The following PCED1B variants were observed in gnomAD, a reference collection of about 807,000 sequenced individuals.
The protein encoded by PCED1B is PC-esterase domain-containing protein 1B.
For missense variants in PCED1B, 573 were observed against 573.9 expected (o/e 1.00, Z 0.02); for synonymous variants, 251 against 246.1 (o/e 1.02, Z -0.19).
At chr12:47,234,434 C>T (rs1428160152) in intron 3 of PCED1B, among the ~76,000 whole-genome samples, 3 of 152,152 alleles carry the variant, frequency 2.0e-5, no homozygotes, top group Non-Finnish European at 4.4e-5. Flanking sequence ...CAACCATAAT[C>T]CTATTCTATG....
At chr12:47,163,164 T>C (rs1465573390) in intron 2 of PCED1B, among the ~76,000 whole-genome samples, 2 of 152,178 alleles carry the variant, frequency 1.3e-5, no homozygotes, top group Non-Finnish European at 2.9e-5. Context: ...TATGTAAGTA[T>C]TTAATTCTTT....
At position 47,201,595 on chromosome 12, in the gene PCED1B, A is replaced by AT. The variant is rs546748153; in HGVS notation, c.-525-14618dup. Reference sequence around the variant, plus strand: ...TTGTTATTCCTTAACAAAGGAAGAAATTTTTTTTTCTTTTTTTTTTTAAGA... The same window carrying AT: ...TTGTTATTCCTTAACAAAGGAAGAAATTTTTTTTTTCTTTTTTTTTTTAAGA... On this transcript the variant is annotated intron_variant, in intron 2 of 3. Coordinates refer to ENST00000546455, the MANE Select transcript of PCED1B (RefSeq NM_138371.3). 5.5e-4 allele frequency among the ~76,000 whole-genome samples: 82 copies of AT among 148,256 alleles called. 1 individual carries two copies. Among genetic ancestry groups the AT allele is most frequent in the Non-Finnish European group, 9.9e-4 (67 of 67,708 alleles).
chr12:47,219,121 A>G (rs551009680), intron 3 of PCED1B, among the ~76,000 whole-genome samples: 95 of 152,332 alleles, frequency 6.2e-4, no homozygotes, highest in African/African-American at 2.1e-3. Context: ...AGCCTGGGCA[A>G]CAGAGTGAGA....
At chr12:47,111,869 T>C (rs933929720) in intron 2 of PCED1B, among the ~76,000 whole-genome samples, 5 of 152,194 alleles carry the variant, frequency 3.3e-5, no homozygotes, top group Non-Finnish European at 7.3e-5. Context: ...AGGGAGCCGA[T>C]GTCATTTTGT....
chr12:47,199,283 GGAA>G (rs1237572058), intron 2 of PCED1B, among the ~76,000 whole-genome samples: 9 of 152,288 alleles, frequency 5.9e-5, no homozygotes, highest in African/African-American at 2.2e-4. Context: ...CTCATGGATA[GGAA>G]GACTCAAATT....
In PCED1B at chr12:47,215,362, T is replaced by A. The variant is rs370001749; in HGVS notation, c.-525-860T>A. Among the ~76,000 whole-genome samples the A allele has an allele frequency of 1.3e-4, 19 of 151,744 alleles. No individual in the cohort carries two copies. In the East Asian group the frequency reaches 3.3e-3, roughly 27 times the overall value. On this transcript the variant is annotated intron_variant, in intron 2 of 3. Transcript: ENST00000546455. ...TCCGCCTCCTGGGTTCAAGCGATTC[T>A]CCTGCCTCAGCCCCCCGAGTAGCTG...
intron 2 of PCED1B, among the ~76,000 whole-genome samples, chr12:47,134,577 A>G (rs1249290518): frequency 6.6e-6 from 1 of 152,214 alleles, no homozygotes; most frequent in South Asian, 2.1e-4. Flanking sequence ...TTGCTATTTA[A>G]CAAAGTCTTA....
chr12:47,158,596 G>A (rs1188500461), intron 2 of PCED1B, among the ~76,000 whole-genome samples: 1 of 152,008 alleles, frequency 6.6e-6, no homozygotes, highest in East Asian at 1.9e-4. Context: ...CTTCCATTCT[G>A]TGGGTTGTAT....
chr12:47,112,884 C>T (rs950742680), intron 2 of PCED1B, among the ~76,000 whole-genome samples: 2 of 152,156 alleles, frequency 1.3e-5, no homozygotes, highest in African/African-American at 4.8e-5. Context: ...CTGCAGAGAG[C>T]GGTAACAGCT....
intron 3 of PCED1B, among the ~76,000 whole-genome samples, chr12:47,220,142 G>T (rs1214266156): frequency 6.6e-6 from 1 of 150,984 alleles, no homozygotes; most frequent in Admixed American, 6.6e-5. Context: ...CCATTTACTA[G>T]CTGGGCAACC....
rs921498916 is a variant in PCED1B, at chr12:47,222,150, T to G, written c.-58+5461T>G. Among the ~76,000 whole-genome samples the G allele has an allele frequency of 1.4e-5, 2 of 139,858 alleles. 1 individual carries two copies. The highest frequency in any genetic ancestry group is 3.0e-5 in the Non-Finnish European group (2 of 65,636). The allele number at this position is 139,858 out of a possible 152,430, so 91.8% of individuals were successfully genotyped here. ...AAAAAAAAAAAACGCCCGGGCGTGG[T>G]GGCTCACGCCTGTAATCCCAGCACT... On this transcript the variant is annotated intron_variant, in intron 3 of 3. Transcript: ENST00000546455.
intron 3 of PCED1B, among the ~76,000 whole-genome samples, chr12:47,222,951 G>T (rs1943529210): frequency 6.6e-6 from 1 of 152,154 alleles, no homozygotes; most frequent in Non-Finnish European, 1.5e-5. Context: ...GAAACAGGCA[G>T]AAACCAGAAC....
At chr12:47,135,832 T>A in intron 2 of PCED1B, 1 of 476,904 alleles carries the variant, frequency 2.1e-6, no homozygotes, top group South Asian at 1.6e-5. Context: ...TGCTTCTCCT[T>A]GAGCATCTCA....
chr12:47,183,761 ACAGGGACTCATCT>A (rs1281765895), intron 2 of PCED1B, among the ~76,000 whole-genome samples: 3 of 152,208 alleles, frequency 2.0e-5, no homozygotes, highest in African/African-American at 7.2e-5. Flanking sequence ...CCACGTGAGG[ACAGGGACTCATCT>A]GTATACAGAC....
At position 47,235,964 on chromosome 12, in the gene PCED1B, C is replaced by T; in HGVS notation, c.901C>T (p.Pro301Ser). 6.2e-7 allele frequency: 1 copy of T among 1,612,622 alleles called. No homozygotes were observed. Among genetic ancestry groups the T allele is most frequent in the Non-Finnish European group, 8.5e-7 (1 of 1,179,348 alleles). Residue 301 changes from proline to serine, a missense_variant, in exon 4 of 4, where the codon CCC becomes TCC. Transcript: ENST00000546455. ...SPPLPSPTYR[P>S]LLGFPPQRLP... is the part of the protein sequence containing the mutation. The stretch of plus-strand genomic sequence containing the variant: ...ACCCTTACCTTCCCCCACATACCGC[C>T]CCCTGCTTGGGTTCCCACCCCAGCG...
rs752527466 is a variant in PCED1B, at chr12:47,200,633, T to TA, written c.-525-15588dup. On this transcript the variant is annotated intron_variant, in intron 2 of 3. Coordinates refer to ENST00000546455, the MANE Select transcript of PCED1B (RefSeq NM_138371.3). Reference sequence around the variant, plus strand: ...CATTTATCCAAATGAGCTAAAGACTTATGACCACCCCAAATCCTGCATTTG... The same window carrying TA: ...CATTTATCCAAATGAGCTAAAGACTTAATGACCACCCCAAATCCTGCATTTG... Among the ~76,000 whole-genome samples, 70 of 152,216 alleles carry TA rather than the reference T, an allele frequency of 4.6e-4. 1 individual carries two copies. Among genetic ancestry groups the TA allele is most frequent in the Middle Eastern group, 3.2e-3 (1 of 316 alleles).
At chr12:47,119,759 A>G (rs1939593304) in intron 2 of PCED1B, among the ~76,000 whole-genome samples, 2 of 151,206 alleles carry the variant, frequency 1.3e-5, no homozygotes, top group South Asian at 4.2e-4. Context: ...CGTGTGGATC[A>G]TCTGAGGTCA....
chr12:47,183,234 G>A (rs947823753), intron 2 of PCED1B, among the ~76,000 whole-genome samples: 1 of 152,176 alleles, frequency 6.6e-6, no homozygotes, highest in African/African-American at 2.4e-5. Context: ...TTATATCATA[G>A]TGATTATATA....
At chr12:47,210,062 G>C (rs1943030664) in intron 2 of PCED1B, 2 of 152,214 alleles carry the variant, frequency 1.3e-5, no homozygotes. Context: ...GGGTAACCGG[G>C]TGGATATTGA....
Sources: allele counts gnomAD v4.1 joint callset (sites outside exome capture counted in the v4.1 genomes callset), GRCh38; gene constraint gnomAD v4.1.1; transcripts MANE v1.5; gene names NCBI Gene and HGNC (gene_info 2026-07-23, HGNC 2026-07-21).